Variants in UNC13C observed in about 807,000 individuals in gnomAD.
UNC13C encodes the protein unc-13 homolog C.
In UNC13C, 174 loss-of-function variants were observed where a neutral mutation model predicts 245.4. The observed-to-expected ratio is 0.71, with a 90% CI of 0.63 to 0.80. UNC13C has a LOEUF of 0.80. Among genes scored for constraint, UNC13C ranks in the 30% least tolerant of loss-of-function variants. The pLI, the probability that UNC13C is intolerant of heterozygous loss-of-function variation, is 0.00. For missense variants in UNC13C, 2,829 were observed against 2,602.9 expected, an observed-to-expected ratio of 1.09 and a Z score of -1.89; for synonymous variants, 992 against 895.1, an observed-to-expected ratio of 1.11 and a Z score of -1.93.
chr15:54,286,793 A>T (rs1262886750), intron 10 of UNC13C, among the ~76,000 whole-genome samples: 2 of 152,220 alleles, frequency 1.3e-5, no homozygotes, highest in African/African-American at 4.8e-5. Flanking sequence ...AGAAACTAAA[A>T]TCAAAACAAA....
intron 4 of UNC13C, among the ~76,000 whole-genome samples, chr15:54,211,433 A>T (rs922607477): frequency 2.6e-5 from 4 of 152,070 alleles, no homozygotes; most frequent in Admixed American, 2.0e-4. Context: ...TGTAGGTTTT[A>T]TTCAAGTAGG....
At chr15:54,495,950 A>G (rs1466861299) in intron 20 of UNC13C, among the ~76,000 whole-genome samples, 2 of 152,020 alleles carry the variant, frequency 1.3e-5, no homozygotes, top group Admixed American at 1.3e-4. Context: ...GATTTTGGTC[A>G]AAAGATACAA....
At position 54,532,986 on chromosome 15, in the gene UNC13C, A is replaced by C. The variant is rs750902049; in HGVS notation, c.5616A>C (p.Gly1872=). The part of the protein sequence containing the change: ...SFELNQMRAN[G]NTTSNKNSAA... ...AACTAAATCAAATGAGAGCAAATGG[A>C]AACACCACATCTAATAAGAACAGTG... Residue 1872 remains glycine (G), a synonymous_variant, in exon 26 of 33, where the codon GGA becomes GGC. Coordinates refer to ENST00000260323, the MANE Select transcript of UNC13C (RefSeq NM_001080534.3). 1 of 1,600,376 alleles carries C rather than the reference A, an allele frequency of 6.2e-7. No individual in the cohort carries two copies.
chr15:54,383,112 A>G (rs1014696830), intron 17 of UNC13C, among the ~76,000 whole-genome samples: 1 of 152,204 alleles, frequency 6.6e-6, no homozygotes, highest in African/African-American at 2.4e-5. Context: ...AATTCTACCA[A>G]ACATATAAAG....
upstream of UNC13C, among the ~76,000 whole-genome samples, chr15:53,973,585 T>TAAA (rs34383212): frequency 4.1e-5 from 6 of 147,828 alleles, no homozygotes; most frequent in Admixed American, 6.7e-5. Context: ...TCAACAAAAT[T>TAAA]AAAAAAAAAA....
At chr15:53,963,340 A>G in the UNC13C span, among the ~76,000 whole-genome samples, 3 of 152,230 alleles carry the variant, frequency 2.0e-5, no homozygotes, top group Non-Finnish European at 4.4e-5. Flanking sequence ...TTTAGGGAAG[A>G]CAGACTGTCA....
In UNC13C at chr15:54,627,201, T is replaced by C; in HGVS notation, c.*88T>C. On this transcript the variant is annotated 3_prime_UTR_variant, in exon 33 of 33. Transcript: ENST00000260323. Reference sequence around the variant, plus strand: ...ACATGGGAATGTTTAGTTCACTACATTTCAATGTTTGCCAGTACTCATGTA... The same window carrying C: ...ACATGGGAATGTTTAGTTCACTACACTTCAATGTTTGCCAGTACTCATGTA... The C allele has an allele frequency of 3.7e-6, 5 of 1,333,918 alleles. No individual in the cohort carries two copies. Among genetic ancestry groups the C allele is most frequent in the Non-Finnish European group, 5.0e-6 (5 of 990,328 alleles). 82.6% of individuals were successfully genotyped at this position (1,333,918 alleles called of 1,614,324 possible).
chr15:54,403,167 C>T (rs562610409), intron 18 of UNC13C, among the ~76,000 whole-genome samples: 10 of 152,298 alleles, frequency 6.6e-5, no homozygotes, highest in Admixed American at 5.2e-4. Flanking sequence ...ACATCACACA[C>T]GTTATTTAGG....
chr15:54,112,096 A>C (rs2141176695), intron 2 of UNC13C, among the ~76,000 whole-genome samples: 1 of 152,220 alleles, frequency 6.6e-6, no homozygotes, highest in East Asian at 1.9e-4. Flanking sequence ...TTTCTTGTTA[A>C]AATTCTACTT....
chr15:53,902,265 A>G, the UNC13C span, among the ~76,000 whole-genome samples: 1 of 152,082 alleles, frequency 6.6e-6, no homozygotes, highest in Non-Finnish European at 1.5e-5. Flanking sequence ...AATACTCCCT[A>G]ACCCTAATCC....
At chr15:53,979,464 C>G (rs1021063741) in intron 1 of UNC13C, among the ~76,000 whole-genome samples, 3 of 152,216 alleles carry the variant, frequency 2.0e-5, no homozygotes, top group African/African-American at 7.2e-5. Context: ...GATTTACTTT[C>G]AAGAGATGAA....
At chr15:54,176,152 G>A (rs76869744) in intron 4 of UNC13C, among the ~76,000 whole-genome samples, 3,558 of 151,228 alleles carry the variant, frequency 0.024, 157 homozygotes, top group African/African-American at 0.082. Flanking sequence ...AGCACAGTGG[G>A]TTCAACATTC....
chr15:54,165,569 A>G (rs1238611346), intron 4 of UNC13C, among the ~76,000 whole-genome samples: 1 of 152,152 alleles, frequency 6.6e-6, no homozygotes, highest in Non-Finnish European at 1.5e-5. Flanking sequence ...TTCTTACATC[A>G]ACAAATAAGT....
At position 54,523,807 on chromosome 15, in the gene UNC13C, A is replaced by G. The variant is rs1895329711; in HGVS notation, c.5458-1742A>G. Among the ~76,000 whole-genome samples, 3 of 152,190 alleles carry G rather than the reference A, an allele frequency of 2.0e-5. No homozygotes were observed. In the South Asian group the frequency reaches 6.2e-4, roughly 31 times the overall value. ...CGATTCCCTTGGAGGTGGTAGAGGT[A>G]TGGGTGGGGAACTACCACCCATGTG... On this transcript the variant is annotated intron_variant, in intron 24 of 32. Transcript: ENST00000260323.
chr15:54,538,253 G>A (rs974391697), intron 26 of UNC13C, among the ~76,000 whole-genome samples: 2 of 149,534 alleles, frequency 1.3e-5, no homozygotes, highest in South Asian at 2.1e-4. Flanking sequence ...AATGCTGAAC[G>A]TCACTAATCA....
At chr15:54,227,137 A>G (rs2035409516) in intron 4 of UNC13C, among the ~76,000 whole-genome samples, 2 of 151,994 alleles carry the variant, frequency 1.3e-5, no homozygotes, top group Admixed American at 1.3e-4. Flanking sequence ...TTTTCAGGAG[A>G]CCCAAAGTGG....
chr15:54,411,559 T>C (rs2040416533), intron 18 of UNC13C, among the ~76,000 whole-genome samples: 1 of 152,132 alleles, frequency 6.6e-6, no homozygotes, highest in Non-Finnish European at 1.5e-5. Context: ...TTTTTGCATG[T>C]GGTTATTCAA....
At chr15:54,215,672 C>CT (rs2035017536) in intron 4 of UNC13C, among the ~76,000 whole-genome samples, 1 of 151,732 alleles carries the variant, frequency 6.6e-6, no homozygotes, top group Non-Finnish European at 1.5e-5. Context: ...TGAATTGGGA[C>CT]TTTTACCAGA....
Position 54,014,381 on chromosome 15 carries a change from A to G in UNC13C, c.1478A>G (p.Asn493Ser), listed in dbSNP as rs1435300425. Residue 493 changes from asparagine (N) to serine (S), a missense_variant, in exon 2 of 33, where the codon AAT (asparagine) becomes AGT (serine). Coordinates refer to ENST00000260323, the MANE Select transcript of UNC13C (RefSeq NM_001080534.3). Reference sequence around the variant, plus strand: ...AAATCACACAGTGCTAGATCCAAGAATAAAACTGCTAATAGCAGCAGAATT... The same window carrying G: ...AAATCACACAGTGCTAGATCCAAGAGTAAAACTGCTAATAGCAGCAGAATT... ...SSKSHSARSK[N>S]KTANSSRISN... 1 of 1,613,766 alleles carries G rather than the reference A, an allele frequency of 6.2e-7. No homozygotes were observed. The highest frequency in any genetic ancestry group is 1.3e-5 in the African/African-American group (1 of 74,924).
Sources: allele counts gnomAD v4.1 joint callset (sites outside exome capture counted in the v4.1 genomes callset), GRCh38; gene constraint gnomAD v4.1.1; transcripts MANE v1.5; gene names NCBI Gene and HGNC (gene_info 2026-07-23, HGNC 2026-07-21).